Variants in CNKSR3 observed in about 807,000 individuals in gnomAD.
CNKSR3 encodes the protein CNKSR family member 3, also known as connector enhancer of kinase suppressor of ras 3.
Under a neutral mutation model 67.7 loss-of-function variants are expected in CNKSR3, and 36 were observed. The ratio of observed to expected loss-of-function variants is 0.53; its 90% CI spans 0.41 to 0.70. The LOEUF (loss-of-function observed/expected upper bound fraction) is 0.70, where lower values mean the gene tolerates loss of function less well. CNKSR3 is among the 30% of genes least tolerant of loss of function. CNKSR3 has a pLI of 0.00. For synonymous variants in CNKSR3, 281 were observed against 271.4 expected, an observed-to-expected ratio of 1.04 and a Z score of -0.35; for missense variants, 630 against 695.2, an observed-to-expected ratio of 0.91 and a Z score of 1.05.
chr6:154,400,565 T>G lies in CNKSR3; in HGVS notation c.*5789A>C, dbSNP rs1225386044. The stretch of plus-strand genomic sequence containing the variant: ...CATTTTTTGTTGCTTATAGACAAAA[T>G]TTCTCTCCTCTATCCAAATCAGTAG... On this transcript the variant is annotated 3_prime_UTR_variant, in exon 13 of 13. Coordinates refer to ENST00000607772, the MANE Select transcript of CNKSR3 (RefSeq NM_173515.4). 6.6e-6 allele frequency: 1 copy of G among 152,180 alleles called. No homozygotes were observed. Among genetic ancestry groups the G allele is most frequent in the African/African-American group, 2.4e-5 (1 of 41,442 alleles). 9.4% of individuals were successfully genotyped at this position (152,180 alleles called of 1,614,324 possible).
Position 154,433,514 on chromosome 6 carries a change from A to G in CNKSR3, c.508-7T>C. On this transcript the variant is annotated splice_region_variant and splice_polypyrimidine_tract_variant and intron_variant, in intron 4 of 12. Coordinates refer to ENST00000607772, the MANE Select transcript of CNKSR3 (RefSeq NM_173515.4). Reference sequence around the variant, plus strand: ...TTTCCGCTACAAAGCAATCCTAAAGAAGGGGATGGAGAAAATGAATACTAA... The same window carrying G: ...TTTCCGCTACAAAGCAATCCTAAAGGAGGGGATGGAGAAAATGAATACTAA... The G allele has an allele frequency of 1.9e-6, 3 of 1,583,172 alleles. No homozygotes were observed. The African/African-American group carries it at 4.0e-5, about 21-fold the overall frequency.
At chr6:154,485,166 A>G (rs1786642981) in intron 1 of CNKSR3, among the ~76,000 whole-genome samples, 1 of 152,184 alleles carries the variant, frequency 6.6e-6, no homozygotes, top group South Asian at 2.1e-4. Flanking sequence ...ATTAATTATG[A>G]ATCACATCTC....
chr6:154,411,092 G>A lies in CNKSR3; in HGVS notation c.1121C>T (p.Pro374Leu), dbSNP rs1784902302. Residue 374 changes from proline (P) to leucine (L), a missense_variant, in exon 11 of 13, where the codon CCA (proline) becomes CTA (leucine). This residue lies in a region of CNKSR3 where 308 missense variants were observed against 299.6 expected (regional missense o/e 1.03). Coordinates refer to ENST00000607772, the MANE Select transcript of CNKSR3 (RefSeq NM_173515.4). ...CTCTGAACCCTTAGGACCAGGCAAT[G>A]GTTGTTTGCACTTACTGGACCCTCC... ...VYGGSSKCKQ[P>L]LPGPKGSESP... 2.5e-6 allele frequency: 4 copies of A among 1,614,054 alleles called. No individual in the cohort carries two copies. Among genetic ancestry groups the A allele is most frequent in the Non-Finnish European group, 3.4e-6 (4 of 1,179,958 alleles).
intron 1 of CNKSR3, among the ~76,000 whole-genome samples, chr6:154,503,420 G>A (rs550113362): frequency 8.8e-4 from 134 of 152,208 alleles, no homozygotes; most frequent in African/African-American, 3.2e-3. Context: ...CAGACCAGGA[G>A]TTCCAGACCA....
At chr6:154,455,356 G>T (rs1785931577) in intron 1 of CNKSR3, among the ~76,000 whole-genome samples, 1 of 152,144 alleles carries the variant, frequency 6.6e-6, no homozygotes, top group African/African-American at 2.4e-5. Context: ...CTCCACTGGT[G>T]TGGAGAACAT....
At chr6:154,442,426 T>C in intron 2 of CNKSR3, 136 bp from the exon 3 acceptor site, 1 of 680,578 alleles carries the variant, frequency 1.5e-6, no homozygotes, top group South Asian at 1.8e-5. Flanking sequence ...ATCGAGGCCA[T>C]CCTGGCTAAC....
At chr6:154,462,482 T>C (rs895826074) in intron 1 of CNKSR3, among the ~76,000 whole-genome samples, 1 of 152,228 alleles carries the variant, frequency 6.6e-6, no homozygotes, top group Non-Finnish European at 1.5e-5. Context: ...AAAGCCTTCT[T>C]AATGCACAAC....
rs1453410736 is a variant in CNKSR3 at position 154,401,329 on chromosome 6, G to C, written c.*5025C>G. On this transcript the variant is annotated 3_prime_UTR_variant, in exon 13 of 13. Transcript: ENST00000607772. ...GAATATTAGCGCCCTCACAAGAAGG[G>C]AAAGGAGAGCTTGCTTGCTTCCTTT... 6.6e-6 allele frequency: 1 copy of C among 152,206 alleles called. No homozygotes were observed. Among genetic ancestry groups the C allele is most frequent in the East Asian group, 1.9e-4 (1 of 5,198 alleles). 9.4% of individuals were successfully genotyped at this position (152,206 alleles called of 1,614,324 possible).
At chr6:154,432,802 A>T (rs1785395102) in intron 5 of CNKSR3, among the ~76,000 whole-genome samples, 1 of 152,252 alleles carries the variant, frequency 6.6e-6, no homozygotes, top group African/African-American at 2.4e-5. Context: ...TTCCCCAATC[A>T]GACTCATCTA....
At chr6:154,499,252 T>C (rs1046968347) in intron 1 of CNKSR3, among the ~76,000 whole-genome samples, 2 of 152,236 alleles carry the variant, frequency 1.3e-5, no homozygotes, top group Non-Finnish European at 2.9e-5. Flanking sequence ...TCAGTTATTA[T>C]GTATTAGCAA....
intron 2 of CNKSR3, among the ~76,000 whole-genome samples, chr6:154,449,000 C>A (rs2128718926): frequency 6.6e-6 from 1 of 152,282 alleles, no homozygotes; most frequent in African/African-American, 2.4e-5. Flanking sequence ...GGCACCGGGA[C>A]AGGCAGACTT....
chr6:154,424,244 A>AG (rs1785208761), intron 7 of CNKSR3, among the ~76,000 whole-genome samples: 1 of 147,828 alleles, frequency 6.8e-6, no homozygotes, highest in African/African-American at 2.6e-5. Flanking sequence ...AAAAAAAAAA[A>AG]AAAAGAAAAG....
intron 1 of CNKSR3, among the ~76,000 whole-genome samples, chr6:154,505,001 G>C (rs942251512): frequency 5.3e-5 from 8 of 151,628 alleles, no homozygotes; most frequent in African/African-American, 1.9e-4. Context: ...ACCAAGGAGA[G>C]GGTGGAATGA....
chr6:154,506,039 G>A (rs2114665016), intron 1 of CNKSR3, among the ~76,000 whole-genome samples: 1 of 152,324 alleles, frequency 6.6e-6, no homozygotes, highest in Middle Eastern at 3.4e-3. Context: ...AGGTTGGACA[G>A]GAATGAAGAT....
chr6:154,493,381 C>T (rs141047493), intron 1 of CNKSR3, among the ~76,000 whole-genome samples: 13 of 152,296 alleles, frequency 8.5e-5, no homozygotes, highest in African/African-American at 2.2e-4. Context: ...ATATCAGCTC[C>T]GAGAAGATAG....
At chr6:154,442,048 C>G in intron 3 of CNKSR3, 40 bp downstream of exon 3, 1 of 1,536,134 alleles carries the variant, frequency 6.5e-7, no homozygotes. Context: ...TGGACTCTAT[C>G]TACTCTTGCA....
At chr6:154,459,132 G>GAA (rs1554235241) in intron 1 of CNKSR3, among the ~76,000 whole-genome samples, 2 of 147,910 alleles carry the variant, frequency 1.4e-5, no homozygotes, top group African/African-American at 5.0e-5. Context: ...GAAAAAGAGA[G>GAA]AGAAAGAAAG....
At chr6:154,462,350 T>C (rs1786098375) in intron 1 of CNKSR3, among the ~76,000 whole-genome samples, 1 of 151,976 alleles carries the variant, frequency 6.6e-6, no homozygotes, top group Admixed American at 6.6e-5. Flanking sequence ...TTTCTGTCTC[T>C]ATGGATTTGC....
chr6:154,423,010 T>A, intron 7 of CNKSR3, 27 bp from the exon 8 acceptor site: 1 of 1,455,118 alleles, frequency 6.9e-7, no homozygotes, highest in Non-Finnish European at 9.5e-7. Context: ...TAACCTGCCT[T>A]AATTCTTTTA....
Sources: gnomAD v4.1 joint callset for allele counts (sites outside exome capture counted in the v4.1 genomes callset) on GRCh38, gnomAD v4.1.1 for gene constraint, gnomAD v4.1.1 regional missense constraint, MANE v1.5 for transcripts, NCBI Gene and HGNC (gene_info 2026-07-23, HGNC 2026-07-21) for gene names.